WWOX: variants seen among roughly 807,000 people sequenced by gnomAD.
WWOX encodes the protein WW domain-containing oxidoreductase.
A neutral mutation model predicts 46.2 loss-of-function variants in WWOX; 69 were observed. The observed-to-expected ratio is 1.49, with a 90% CI of 1.23 to 1.82. The LOEUF is 1.82. Ranked by LOEUF, WWOX falls within the 40% of genes most tolerant of loss-of-function variation. WWOX has a pLI of 0.00. For synonymous variants in WWOX, 359 were observed against 202.6 expected, an observed-to-expected ratio of 1.77 and a Z score of -6.56; for missense variants, 919 against 542.6, an observed-to-expected ratio of 1.69 and a Z score of -6.89.
intron 5 of WWOX, among the ~76,000 whole-genome samples, chr16:78,322,518 GA>G (rs2080506866): frequency 6.6e-6 from 1 of 152,200 alleles, no homozygotes; most frequent in Admixed American, 6.5e-5. Context: ...TAAGGATGGG[GA>G]AAGTGGGGAT....
chr16:78,584,779 C>T (rs1347446784), intron 8 of WWOX, among the ~76,000 whole-genome samples: 1 of 152,220 alleles, frequency 6.6e-6, no homozygotes, highest in African/African-American at 2.4e-5. Context: ...GGAAATTTTC[C>T]ATTCATCTGG....
At chr16:78,511,233 G>A (rs552042232) in intron 8 of WWOX, among the ~76,000 whole-genome samples, 8 of 152,228 alleles carry the variant, frequency 5.3e-5, no homozygotes, top group Non-Finnish European at 7.4e-5. Context: ...CCTCCCCAGC[G>A]CACACATCAC....
chr16:78,894,455 T>C (rs2044657739), intron 8 of WWOX, among the ~76,000 whole-genome samples: 3 of 152,222 alleles, frequency 2.0e-5, no homozygotes. Flanking sequence ...TTTGTCTAAA[T>C]TATTGTTTGT....
chr16:78,937,665 C>G (rs924544166), intron 8 of WWOX, among the ~76,000 whole-genome samples: 1 of 151,340 alleles, frequency 6.6e-6, no homozygotes, highest in African/African-American at 2.4e-5. Flanking sequence ...CACTCTGTCT[C>G]CCAGGCTGGA....
chr16:78,626,638 C>G (rs2046318107), intron 8 of WWOX, among the ~76,000 whole-genome samples: 1 of 152,142 alleles, frequency 6.6e-6, no homozygotes, highest in Admixed American at 6.5e-5. Flanking sequence ...TAGTCTTTCC[C>G]TCTACTTTCC....
intron 8 of WWOX, among the ~76,000 whole-genome samples, chr16:78,954,001 C>T (rs557691465): frequency 1.3e-5 from 2 of 152,328 alleles, no homozygotes; most frequent in South Asian, 2.1e-4. Context: ...ATGAACAACA[C>T]GTGGTCTTTG....
chr16:78,533,111 C>G (rs1052218229), intron 8 of WWOX, among the ~76,000 whole-genome samples: 1 of 152,138 alleles, frequency 6.6e-6, no homozygotes. Flanking sequence ...CTCAGAACTC[C>G]TCCCAGTGCC....
At chr16:78,185,603 A>G (rs2035674008) in intron 5 of WWOX, among the ~76,000 whole-genome samples, 1 of 152,104 alleles carries the variant, frequency 6.6e-6, no homozygotes, top group African/African-American at 2.4e-5. Context: ...GAAATGCTGG[A>G]GATATGCGTT....
chr16:78,949,803 GT>G (rs2046022161), intron 8 of WWOX, among the ~76,000 whole-genome samples: 1 of 152,206 alleles, frequency 6.6e-6, no homozygotes, highest in South Asian at 2.1e-4. Flanking sequence ...ATCCTACATT[GT>G]CTAGTGGGAG....
intron 8 of WWOX, among the ~76,000 whole-genome samples, chr16:78,685,754 G>A (rs2047840498): frequency 6.6e-6 from 1 of 152,184 alleles, no homozygotes. Flanking sequence ...TTGCCAAGGA[G>A]TAAGATCTTG....
At chr16:78,721,567 T>C (rs2048691206) in intron 8 of WWOX, among the ~76,000 whole-genome samples, 1 of 152,158 alleles carries the variant, frequency 6.6e-6, no homozygotes, top group African/African-American at 2.4e-5. Flanking sequence ...ATGGTAAGCC[T>C]AGGGCAGCCT....
At chr16:78,825,007 T>G (rs533399235) in intron 8 of WWOX, among the ~76,000 whole-genome samples, 2 of 152,290 alleles carry the variant, frequency 1.3e-5, no homozygotes, top group African/African-American at 2.4e-5. Context: ...ATAAACAAAG[T>G]GCTCTGTGGT....
At chr16:78,756,062 T>C (rs2049638525) in intron 8 of WWOX, among the ~76,000 whole-genome samples, 1 of 152,148 alleles carries the variant, frequency 6.6e-6, no homozygotes, top group Non-Finnish European at 1.5e-5. Context: ...GGCTCAGAAT[T>C]CACCCCATCT....
intron 5 of WWOX, among the ~76,000 whole-genome samples, chr16:78,351,777 C>T (rs775867740): frequency 6.6e-6 from 1 of 152,150 alleles, no homozygotes; most frequent in African/African-American, 2.4e-5. Flanking sequence ...CTCTCCCAGC[C>T]TCCCGAGTCT....
rs138083917 is a variant in WWOX, at chr16:79,122,964, T to G, written c.1057-88644T>G. 5.7e-3 allele frequency among the ~76,000 whole-genome samples: 875 copies of G among 152,296 alleles called. 10 individuals are homozygous for G. The highest frequency in any genetic ancestry group is 0.02 in the African/African-American group (835 of 41,560). On this transcript the variant is annotated intron_variant, in intron 8 of 8. Coordinates refer to ENST00000566780, the MANE Select transcript of WWOX (RefSeq NM_016373.4). ...GGGGCCTCGCCATCCACATGGTCAT[T>G]GCCTCAAAATTTGGGATTCCAGTTG...
intron 8 of WWOX, among the ~76,000 whole-genome samples, chr16:78,760,062 C>T (rs556074993): frequency 1.3e-5 from 2 of 152,036 alleles, no homozygotes; most frequent in African/African-American, 4.8e-5. Flanking sequence ...AAAGACATAC[C>T]CAAAACTGGG....
At chr16:78,209,567 CT>C (rs1483817357) in intron 5 of WWOX, among the ~76,000 whole-genome samples, 3 of 152,072 alleles carry the variant, frequency 2.0e-5, no homozygotes, top group Non-Finnish European at 4.4e-5. Context: ...ATATGTGCAC[CT>C]TTGAGAAATC....
chr16:79,183,923 C>G (rs1189673547), intron 8 of WWOX, among the ~76,000 whole-genome samples: 4 of 152,220 alleles, frequency 2.6e-5, no homozygotes, highest in African/African-American at 7.2e-5. Context: ...AGACCTGCCA[C>G]TCAGATGACT....
chr16:78,721,742 G>C (rs913893183), intron 8 of WWOX, among the ~76,000 whole-genome samples: 5 of 152,180 alleles, frequency 3.3e-5, no homozygotes, highest in Non-Finnish European at 5.9e-5. Flanking sequence ...TCTGGGAATC[G>C]AATGAGAGAT....
Sources: allele counts gnomAD v4.1 joint callset (sites outside exome capture counted in the v4.1 genomes callset), GRCh38; gene constraint gnomAD v4.1.1; transcripts MANE v1.5; gene names NCBI Gene and HGNC (gene_info 2026-07-23, HGNC 2026-07-21).